The following NKAIN3 variants were observed in gnomAD, a reference collection of about 807,000 sequenced individuals.
The protein encoded by NKAIN3 is sodium/potassium-transporting ATPase subunit beta-1-interacting protein 3.
NKAIN3 carries 25 observed loss-of-function variants against 30.2 expected under a neutral mutation model. The observed-to-expected ratio is 0.83, with a 90% CI of 0.60 to 1.16. NKAIN3 has a LOEUF of 1.16. Ranked by LOEUF, NKAIN3 falls within the 50% of genes most tolerant of loss-of-function variation. NKAIN3 has a pLI of 0.00. For synonymous variants in NKAIN3, 91 were observed against 89.6 expected (o/e 1.02, Z -0.09); for missense variants, 225 against 254.1 (o/e 0.89, Z 0.78).
intron 3 of NKAIN3, among the ~76,000 whole-genome samples, chr8:62,676,692 G>A (rs912275676): frequency 1.3e-5 from 2 of 151,818 alleles, no homozygotes; most frequent in Admixed American, 1.3e-4. Context: ...ACCCAACTGT[G>A]GTGTAGTATA....
At chr8:62,750,470 C>T (rs1004280523) in intron 4 of NKAIN3, among the ~76,000 whole-genome samples, 3 of 152,144 alleles carry the variant, frequency 2.0e-5, no homozygotes, top group African/African-American at 7.2e-5. Context: ...AAGGCGAAGA[C>T]GGGCGGGGTT....
intron 4 of NKAIN3, among the ~76,000 whole-genome samples, chr8:62,815,260 G>A: frequency 6.6e-6 from 1 of 152,010 alleles, no homozygotes; most frequent in East Asian, 1.9e-4. Context: ...TCCAGGACCA[G>A]ATGGATTCAC....
At chr8:62,992,149 G>A (rs975084811) in intron 5 of NKAIN3, among the ~76,000 whole-genome samples, 12 of 151,912 alleles carry the variant, frequency 7.9e-5, no homozygotes, top group African/African-American at 2.9e-4. Flanking sequence ...GAGTAGCTGG[G>A]ATTACAGGCA....
Position 62,406,191 on chromosome 8 carries a change from A to G in NKAIN3, c.54+157064A>G, listed in dbSNP as rs139984869. Among the ~76,000 whole-genome samples the G allele has an allele frequency of 5.3e-5, 8 of 152,318 alleles. No homozygotes were observed. In the East Asian group the frequency reaches 1.4e-3, roughly 26 times the overall value. On this transcript the variant is annotated intron_variant, in intron 1 of 6. Coordinates refer to ENST00000623646, the MANE Select transcript of NKAIN3 (RefSeq NM_001304533.3). ...TGGCTGAGTACATACAAGGTATTCA[A>G]TAAATGCTTGTTGAACTGATATGGG...
At chr8:62,363,817 C>T (rs1324858201) in intron 1 of NKAIN3, among the ~76,000 whole-genome samples, 1 of 148,694 alleles carries the variant, frequency 6.7e-6, no homozygotes, top group African/African-American at 2.5e-5. Context: ...AATCTGCTAT[C>T]TCAGTGACTA....
rs1823797990 is a variant in NKAIN3 at position 62,970,018 on chromosome 8, G to C, written c.*4611G>C. On this transcript the variant is annotated 3_prime_UTR_variant, in exon 7 of 7. Coordinates refer to ENST00000623646, the MANE Select transcript of NKAIN3 (RefSeq NM_001304533.3). ...AAGACCAGCTTGGGCAAAATAGTGA[G>C]ACCGTATCTCTACAAAAACAAACAA... Among the ~76,000 whole-genome samples the C allele has an allele frequency of 6.6e-6, 1 of 151,888 alleles. No homozygotes were observed. Among genetic ancestry groups the C allele is most frequent in the Non-Finnish European group, 1.5e-5 (1 of 67,984 alleles).
At chr8:62,796,766 A>G (rs1351225567) in intron 4 of NKAIN3, among the ~76,000 whole-genome samples, 5 of 138,170 alleles carry the variant, frequency 3.6e-5, no homozygotes, top group Non-Finnish European at 8.1e-5. Context: ...ATGCTGAAAG[A>G]ATACTAGTTT....
chr8:62,932,296 C>T (rs146540070), intron 5 of NKAIN3, among the ~76,000 whole-genome samples: 4 of 152,276 alleles, frequency 2.6e-5, no homozygotes, highest in East Asian at 3.9e-4. Context: ...TAATAAAACT[C>T]GATCTGCCAG....
At chr8:62,363,968 AC>A (rs1208347980) in intron 1 of NKAIN3, among the ~76,000 whole-genome samples, 1 of 152,212 alleles carries the variant, frequency 6.6e-6, no homozygotes, top group Non-Finnish European at 1.5e-5. Flanking sequence ...AATTTCAAAA[AC>A]GATGTGGAAG....
intron 3 of NKAIN3, among the ~76,000 whole-genome samples, chr8:62,621,472 C>T (rs1324011488): frequency 6.6e-6 from 1 of 151,952 alleles, no homozygotes; most frequent in East Asian, 1.9e-4. Flanking sequence ...TTAGTACTCC[C>T]ATTTCTTAAG....
At chr8:62,663,933 G>A (rs1813021528) in intron 3 of NKAIN3, among the ~76,000 whole-genome samples, 1 of 152,050 alleles carries the variant, frequency 6.6e-6, no homozygotes, top group Admixed American at 6.6e-5. Context: ...GCATAACCCT[G>A]AAGAGTATTG....
intron 5 of NKAIN3, among the ~76,000 whole-genome samples, chr8:62,997,015 C>T (rs1489591028): frequency 1.3e-5 from 2 of 152,220 alleles, no homozygotes; most frequent in African/African-American, 4.8e-5. Context: ...TGGCCCTCTT[C>T]TCACAGTTCC....
intron 1 of NKAIN3, among the ~76,000 whole-genome samples, chr8:62,300,881 G>A (rs781127913): frequency 1.9e-4 from 29 of 152,008 alleles, no homozygotes; most frequent in Non-Finnish European, 3.4e-4. Flanking sequence ...GCCAGACTTC[G>A]AATCTCCTTT....
chr8:62,288,327 G>C, intron 1 of NKAIN3, among the ~76,000 whole-genome samples: 1 of 152,026 alleles, frequency 6.6e-6, no homozygotes, highest in South Asian at 2.1e-4. Context: ...GTGCCATGTT[G>C]GTGTCCTGCA....
intron 4 of NKAIN3, among the ~76,000 whole-genome samples, chr8:62,883,224 TG>T (rs1490473232): frequency 6.6e-6 from 1 of 152,162 alleles, no homozygotes; most frequent in Non-Finnish European, 1.5e-5. Context: ...TTTAGTCTTT[TG>T]ATTTCTTTAG....
chr8:62,484,399 G>A (rs993307754), intron 1 of NKAIN3, among the ~76,000 whole-genome samples: 2 of 152,156 alleles, frequency 1.3e-5, no homozygotes, highest in African/African-American at 4.8e-5. Context: ...TCCCATGAAG[G>A]CTTTCCTCAT....
chr8:62,601,827 G>T (rs1174065749), intron 3 of NKAIN3, among the ~76,000 whole-genome samples: 1 of 151,978 alleles, frequency 6.6e-6, no homozygotes, highest in African/African-American at 2.4e-5. Context: ...GTAAATATAG[G>T]TGTGAGTTTC....
chr8:62,672,911 G>T (rs558742425), intron 3 of NKAIN3, among the ~76,000 whole-genome samples: 108 of 152,090 alleles, frequency 7.1e-4, no homozygotes, highest in African/African-American at 2.5e-3. Context: ...GGTTTTTATA[G>T]AATTAAATAC....
intron 1 of NKAIN3, among the ~76,000 whole-genome samples, chr8:62,500,481 GAAAGAAGAAAA>G (rs1563427497): frequency 8.9e-5 from 11 of 122,928 alleles, no homozygotes; most frequent in African/African-American, 1.6e-4. Context: ...AAGAAAGAAA[GAAAGAAGAAAA>G]GAAAGAAAGA....
Sources: gnomAD v4.1 joint callset for allele counts (sites outside exome capture counted in the v4.1 genomes callset) on GRCh38, gnomAD v4.1.1 for gene constraint, MANE v1.5 for transcripts, NCBI Gene and HGNC (gene_info 2026-07-23, HGNC 2026-07-21) for gene names.